Variants in RBFOX1 observed in about 807,000 individuals in gnomAD.
RBFOX1 encodes the protein RNA binding fox-1 homolog 1.
Under a neutral mutation model 57.7 loss-of-function variants are expected in RBFOX1, and 8 were observed. The observed-to-expected ratio is 0.14, with a 90% confidence interval of 0.08 to 0.25. The LOEUF is 0.25. Ranked by LOEUF, RBFOX1 falls within the 10% of genes least tolerant of loss-of-function variation. The pLI is 1.00. For synonymous variants in RBFOX1, 326 were observed against 222.4 expected, an observed-to-expected ratio of 1.47 and a Z score of -4.15; for missense variants, 611 against 548.5, an observed-to-expected ratio of 1.11 and a Z score of -1.14.
At chr16:6,367,812 C>T (rs1193921529) in intron 2 of RBFOX1, among the ~76,000 whole-genome samples, 1 of 151,560 alleles carries the variant, frequency 6.6e-6, no homozygotes, top group African/African-American at 2.4e-5. Context: ...TTCAAAGAGT[C>T]AGAAAGACTC....
chr16:6,108,093 G>C (rs2096403605), intron 1 of RBFOX1, among the ~76,000 whole-genome samples: 1 of 152,130 alleles, frequency 6.6e-6, no homozygotes, highest in Non-Finnish European at 1.5e-5. Context: ...AATATCAAAT[G>C]AAGAGACCAA....
intron 3 of RBFOX1, among the ~76,000 whole-genome samples, chr16:6,772,790 G>T (rs982906244): frequency 6.6e-6 from 1 of 150,916 alleles, no homozygotes; most frequent in East Asian, 2.0e-4. Flanking sequence ...GGGTGCATTT[G>T]TGTGCGTATG....
intron 3 of RBFOX1, among the ~76,000 whole-genome samples, chr16:6,893,330 T>C (rs1024820688): frequency 1.3e-5 from 2 of 152,158 alleles, no homozygotes; most frequent in East Asian, 1.9e-4. Context: ...ATCAAACTCA[T>C]ATAGGTCATC....
In RBFOX1 at chr16:6,378,945, G is replaced by A. The variant is rs541040660; in HGVS notation, c.-64+61888G>A. On this transcript the variant is annotated intron_variant, in intron 2 of 15. Coordinates refer to ENST00000550418, the MANE Select transcript of RBFOX1 (RefSeq NM_018723.4). ...GGTAGCACTGATCTTGTTGAGAGAG[G>A]ATTGGCCCTGGAAAAAGAAAGTAGC... Among the ~76,000 whole-genome samples the A allele has an allele frequency of 7.2e-5, 11 of 152,250 alleles. No individual in the cohort carries two copies. The South Asian group carries it at 2.3e-3, about 32-fold the overall frequency.
At chr16:7,228,588 C>T (rs953686489) in intron 4 of RBFOX1, among the ~76,000 whole-genome samples, 1 of 152,166 alleles carries the variant, frequency 6.6e-6, no homozygotes, top group African/African-American at 2.4e-5. Flanking sequence ...GGCCACACAG[C>T]CGTAAGGGAG....
intron 4 of RBFOX1, among the ~76,000 whole-genome samples, chr16:7,056,216 C>G (rs949622592): frequency 6.6e-6 from 1 of 152,172 alleles, no homozygotes; most frequent in African/African-American, 2.4e-5. Context: ...TTACTCCCAA[C>G]AGTAGGGTCA....
At chr16:5,782,137 C>A (rs1053232286) in intron 3 of RBFOX1, among the ~76,000 whole-genome samples, 1 of 152,200 alleles carries the variant, frequency 6.6e-6, no homozygotes, top group Non-Finnish European at 1.5e-5. Flanking sequence ...CTTGAACCCA[C>A]GAAGTGGAGG....
intron 2 of RBFOX1, among the ~76,000 whole-genome samples, chr16:5,506,577 T>G (rs946188482): frequency 6.6e-6 from 1 of 152,160 alleles, no homozygotes; most frequent in Non-Finnish European, 1.5e-5. Context: ...CCAGCCTAGC[T>G]CAGCTCCATG....
chr16:6,716,728 C>T (rs1311100951), intron 3 of RBFOX1, among the ~76,000 whole-genome samples: 3 of 152,158 alleles, frequency 2.0e-5, no homozygotes. Flanking sequence ...GGGCATGTAA[C>T]CCAATTCTAT....
chr16:5,473,886 G>T (rs1483667907), intron 2 of RBFOX1, among the ~76,000 whole-genome samples: 5 of 149,528 alleles, frequency 3.3e-5, no homozygotes, highest in African/African-American at 9.9e-5. Context: ...GATGTAAGGG[G>T]GGTGGGTAAA....
intron 3 of RBFOX1, among the ~76,000 whole-genome samples, chr16:5,754,189 C>A (rs1301706632): frequency 6.6e-6 from 1 of 152,190 alleles, no homozygotes; most frequent in Non-Finnish European, 1.5e-5. Context: ...TGAATCCCAC[C>A]TCTGCCACAT....
chr16:6,817,621 A>T (rs2090372013), intron 3 of RBFOX1, among the ~76,000 whole-genome samples: 1 of 151,426 alleles, frequency 6.6e-6, no homozygotes, highest in South Asian at 2.1e-4. Context: ...CAAGAGAATC[A>T]CTTGAACCCA....
intron 3 of RBFOX1, among the ~76,000 whole-genome samples, chr16:6,982,455 G>T (rs1028984205): frequency 2.0e-5 from 3 of 152,066 alleles, no homozygotes; most frequent in African/African-American, 4.8e-5. Flanking sequence ...TCATTGCAGC[G>T]AGCTCCTTCT....
At chr16:6,651,351 C>T (rs1162901889) in intron 2 of RBFOX1, among the ~76,000 whole-genome samples, 1 of 150,200 alleles carries the variant, frequency 6.7e-6, no homozygotes, top group South Asian at 2.1e-4. Flanking sequence ...TTAAAGACGT[C>T]CCATTGATTT....
chr16:7,172,892 A>T (rs1173435206), intron 4 of RBFOX1, among the ~76,000 whole-genome samples: 1 of 152,218 alleles, frequency 6.6e-6, no homozygotes, highest in Non-Finnish European at 1.5e-5. Context: ...CTGACCTGCC[A>T]TGAGATTCCC....
chr16:7,159,816 C>T (rs2077919773), intron 4 of RBFOX1, among the ~76,000 whole-genome samples: 1 of 152,126 alleles, frequency 6.6e-6, no homozygotes, highest in East Asian at 1.9e-4. Flanking sequence ...CCCACCTGTA[C>T]CAACAGAATG....
intron 1 of RBFOX1, among the ~76,000 whole-genome samples, chr16:6,219,722 A>G (rs1697246456): frequency 6.6e-6 from 1 of 152,058 alleles, no homozygotes; most frequent in Non-Finnish European, 1.5e-5. Context: ...TAAAAATAGA[A>G]AAAATTAGCC....
chr16:5,532,816 T>C (rs1306146082), intron 2 of RBFOX1, among the ~76,000 whole-genome samples: 1 of 152,040 alleles, frequency 6.6e-6, no homozygotes, highest in Non-Finnish European at 1.5e-5. Context: ...CAGAGAGAAA[T>C]AGCTGTGGGC....
chr16:6,289,047 T>C (rs1229754049), intron 1 of RBFOX1, among the ~76,000 whole-genome samples: 1 of 152,186 alleles, frequency 6.6e-6, no homozygotes, highest in Non-Finnish European at 1.5e-5. Flanking sequence ...TTATCATTTT[T>C]ACCAACTATG....
Sources: allele counts gnomAD v4.1 joint callset (sites outside exome capture counted in the v4.1 genomes callset), GRCh38; gene constraint gnomAD v4.1.1; transcripts MANE v1.5; gene names NCBI Gene and HGNC (gene_info 2026-07-23, HGNC 2026-07-21).